The following UBE3B variants were observed in gnomAD, a reference collection of about 807,000 sequenced individuals.
UBE3B encodes the protein ubiquitin-protein ligase E3B.
UBE3B carries 80 observed loss-of-function variants against 132.3 expected under a neutral mutation model. That is an observed-to-expected ratio of 0.60 (90% confidence interval 0.50 to 0.73). The LOEUF (loss-of-function observed/expected upper bound fraction) is 0.73, where lower values mean the gene tolerates loss of function less well. Ranked by LOEUF, UBE3B falls within the 30% of genes least tolerant of loss-of-function variation. The pLI is 0.00. For synonymous variants in UBE3B, 487 were observed against 520.4 expected (o/e 0.94, Z 0.87); for missense variants, 1,196 against 1,362.5 (o/e 0.88, Z 1.92).
intron 9 of UBE3B, among the ~76,000 whole-genome samples, chr12:109,493,546 A>G (rs1187446399): frequency 1.3e-5 from 2 of 152,230 alleles, no homozygotes; most frequent in Non-Finnish European, 2.9e-5. Flanking sequence ...ATTCCATTGA[A>G]TCACTTGTTA....
chr12:109,532,771 C>T (rs1039264810), intron 26 of UBE3B, among the ~76,000 whole-genome samples: 3 of 152,194 alleles, frequency 2.0e-5, no homozygotes, highest in East Asian at 1.9e-4. Flanking sequence ...CTTGGGCTGC[C>T]GGCACCTCAG....
At chr12:109,500,231 T>C (rs1878788562) in intron 12 of UBE3B, among the ~76,000 whole-genome samples, 1 of 151,942 alleles carries the variant, frequency 6.6e-6, no homozygotes. Flanking sequence ...TTTCAAGAGG[T>C]GGAATATAAA....
intron 26 of UBE3B, among the ~76,000 whole-genome samples, 188 bp from the exon 27 acceptor site, chr12:109,533,278 C>T (rs946578289): frequency 1.3e-5 from 2 of 152,168 alleles, no homozygotes; most frequent in Non-Finnish European, 2.9e-5. Context: ...GAGAGCAGCA[C>T]CCTTGAGAGA....
At chr12:109,533,229 C>G (rs78243182) in intron 26 of UBE3B, among the ~76,000 whole-genome samples, 1 of 152,318 alleles carries the variant, frequency 6.6e-6, no homozygotes, top group East Asian at 1.9e-4. Flanking sequence ...AGTGGCCAGT[C>G]GCACCTATTG....
At position 109,486,586 on chromosome 12, in the gene UBE3B, A is replaced by G; in HGVS notation, c.447+11A>G. On this transcript the variant is annotated intron_variant, in intron 6 of 27. Transcript: ENST00000342494. ...CTCAAGCAGCTCAAGGTAACAAAAA[A>G]AAAAAAAAAAAAAAAAAGCAAAACC... 7.9e-7 allele frequency: 1 copy of G among 1,268,118 alleles called. No individual in the cohort carries two copies. The highest frequency in any genetic ancestry group is 1.1e-6 in the Non-Finnish European group (1 of 928,468). 78.6% of individuals were successfully genotyped at this position (1,268,118 alleles called of 1,614,324 possible). A position where few individuals can be genotyped will look rare whatever the true frequency, so the allele number is the denominator to read the frequency against.
Position 109,521,827 on chromosome 12 carries a change from G to A in UBE3B, c.2364+276G>A, listed in dbSNP as rs1881755790. Among the ~76,000 whole-genome samples the A allele has an allele frequency of 6.6e-6, 1 of 152,166 alleles. No individual in the cohort carries two copies. Among genetic ancestry groups the A allele is most frequent in the African/African-American group, 2.4e-5 (1 of 41,430 alleles). ...AGCTTTGAGGAGTCACCTGTCCAGAGTTTCGTTGCTAGTTAAGTGGTAGAG... is the reference window on the plus strand; with the variant it reads ...AGCTTTGAGGAGTCACCTGTCCAGAATTTCGTTGCTAGTTAAGTGGTAGAG... On this transcript the variant is annotated intron_variant, in intron 21 of 27. Transcript: ENST00000342494. The surrounding 1 kb of genome is among the most constrained non-coding windows in gnomAD (Gnocchi z 4.2).
chr12:109,530,576 A>G lies in UBE3B; in HGVS notation c.2840A>G (p.His947Arg). 1 of 1,614,172 alleles carries G rather than the reference A, an allele frequency of 6.2e-7. No individual in the cohort carries two copies. Among genetic ancestry groups the G allele is most frequent in the Non-Finnish European group, 8.5e-7 (1 of 1,180,032 alleles). Residue 947 changes from histidine to arginine, a missense_variant, in exon 26 of 28, where the codon CAT (histidine) becomes CGT (arginine). By Grantham distance (29) the His-to-Arg change is conservative. Transcript: ENST00000342494. ...KKHTVYYGGF[H>R]GSHRVIIWLW... ...CACACAGTCTACTACGGTGGTTTCC[A>G]TGGAAGTCACAGAGTCATCATCTGG...
chr12:109,530,122 C>G (rs1882796344), intron 25 of UBE3B, 50 bp downstream of exon 25: 1 of 1,603,640 alleles, frequency 6.2e-7, no homozygotes, highest in South Asian at 1.1e-5. Context: ...TCCCAGAAAG[C>G]CAGCTGCTCC....
At chr12:109,497,692 C>A in intron 9 of UBE3B, 126 bp from the exon 10 acceptor site, 1 of 915,806 alleles carries the variant, frequency 1.1e-6, no homozygotes, top group Non-Finnish European at 1.7e-6. Flanking sequence ...CCAATTTCAG[C>A]CTTCAGTTTT....
At chr12:109,498,117 T>G in intron 10 of UBE3B, 116 bp from the exon 11 acceptor site, 1 of 1,473,192 alleles carries the variant, frequency 6.8e-7, no homozygotes, top group Non-Finnish European at 9.2e-7. Context: ...ATTTTCTTCT[T>G]GGTGTTTGCT....
chr12:109,534,083 A>G lies in UBE3B; in HGVS notation c.3016-508A>G. The G allele has an allele frequency of 7.7e-7, 1 of 1,294,448 alleles. No individual in the cohort carries two copies. The highest frequency in any genetic ancestry group is 1.0e-6 in the Non-Finnish European group (1 of 992,728). 80.2% of individuals were successfully genotyped at this position (1,294,448 alleles called of 1,614,324 possible). Reference sequence around the variant, plus strand: ...CAAATGAGAGTCCTACTCCCCATAAAAACCCAGTGGCCGCCTCTGGGTGTA... The same window carrying G: ...CAAATGAGAGTCCTACTCCCCATAAGAACCCAGTGGCCGCCTCTGGGTGTA... On this transcript the variant is annotated intron_variant, in intron 27 of 27. Coordinates refer to ENST00000342494, the MANE Select transcript of UBE3B (RefSeq NM_130466.4). This position sits in a 1 kb window ranked among gnomAD's most constrained non-coding sequence, Gnocchi z 5.2.
chr12:109,496,183 C>G (rs73196271), intron 9 of UBE3B, among the ~76,000 whole-genome samples: 7,167 of 152,310 alleles, frequency 0.047, 268 homozygotes, highest in Non-Finnish European at 0.066. Context: ...TCTTTTGCTA[C>G]TGGCTTTTTT....
rs980062874 is a variant in UBE3B at position 109,524,491 on chromosome 12, C to T, written c.2556C>T (p.Asp852=). The T allele has an allele frequency of 3.7e-6, 6 of 1,614,042 alleles. No individual in the cohort carries two copies. The highest frequency in any genetic ancestry group is 2.7e-5 in the African/African-American group (2 of 74,946). ...GCCTGACGCTGTCTTACGACGAGGA[C>T]GTCATGGGTCAGGTAGGTCCGCCCT... The part of the protein sequence containing the change: ...DLGLTLSYDE[D]VMGQLVCHEL... Residue 852 remains aspartate (D), a synonymous_variant, in exon 23 of 28, where the codon GAC becomes GAT. Coordinates refer to ENST00000342494, the MANE Select transcript of UBE3B (RefSeq NM_130466.4).
At chr12:109,513,407 A>G (rs567799927) in intron 18 of UBE3B, among the ~76,000 whole-genome samples, 1 of 152,342 alleles carries the variant, frequency 6.6e-6, no homozygotes, top group Admixed American at 6.5e-5. Context: ...ATTGCACTAC[A>G]TTCTTTTTAA....
chr12:109,543,258 G>C, the UBE3B span, among the ~76,000 whole-genome samples: 2 of 152,226 alleles, frequency 1.3e-5, no homozygotes, highest in Non-Finnish European at 2.9e-5. Flanking sequence ...CCACAGTGTA[G>C]AGTGACAGGT....
chr12:109,524,357 C>G, intron 22 of UBE3B, 81 bp from the exon 23 acceptor site: 1 of 1,539,264 alleles, frequency 6.5e-7, no homozygotes, highest in Non-Finnish European at 9.0e-7. Context: ...AGCACCAAAG[C>G]AGCGCCTCAA....
intron 8 of UBE3B, chr12:109,490,643 G>C: frequency 6.6e-7 from 1 of 1,516,276 alleles, no homozygotes; most frequent in Admixed American, 2.1e-5. Flanking sequence ...AAAATAATAT[G>C]ATGTCTTTAA....
intron 19 of UBE3B, among the ~76,000 whole-genome samples, chr12:109,517,532 A>G (rs1458014235): frequency 6.6e-5 from 10 of 152,178 alleles, no homozygotes; most frequent in Non-Finnish European, 8.8e-5. Context: ...ATCTGCTGGA[A>G]CATGGTTGTC....
chr12:109,506,161 G>A (rs1045765224), intron 14 of UBE3B, among the ~76,000 whole-genome samples: 2 of 152,192 alleles, frequency 1.3e-5, no homozygotes, highest in East Asian at 1.9e-4. Flanking sequence ...GTCATTGACT[G>A]CATTTCCACT....
Sources: gnomAD v4.1 joint callset for allele counts (sites outside exome capture counted in the v4.1 genomes callset) on GRCh38, gnomAD v4.1.1 for gene constraint, Gnocchi (gnomAD v3.1) non-coding constraint, MANE v1.5 for transcripts, NCBI Gene and HGNC (gene_info 2026-07-23, HGNC 2026-07-21) for gene names.